The following LARP4B variants were observed in gnomAD, a reference collection of about 807,000 sequenced individuals.
LARP4B encodes the protein la-related protein 4B.
In LARP4B, 12 loss-of-function variants were observed where a neutral mutation model predicts 89.8. That is an observed-to-expected ratio of 0.13 (90% CI 0.09 to 0.22). The LOEUF (loss-of-function observed/expected upper bound fraction) is 0.22. Ranked by LOEUF, LARP4B falls within the 10% of genes least tolerant of loss-of-function variation. The pLI is 1.00. For synonymous variants in LARP4B, 367 were observed against 363.3 expected, an observed-to-expected ratio of 1.01 and a Z score of -0.12; for missense variants, 757 against 947.7, an observed-to-expected ratio of 0.80 and a Z score of 2.64.
chr10:838,575 C>A (rs1306542625), intron 7 of LARP4B, among the ~76,000 whole-genome samples: 1 of 152,138 alleles, frequency 6.6e-6, no homozygotes, highest in Non-Finnish European at 1.5e-5. Context: ...CACTGCATAC[C>A]TGTCAGCACA....
At position 930,326 on chromosome 10, in the gene LARP4B, C is replaced by A. The variant is rs556609688; in HGVS notation, c.-40+1102G>T. Among the ~76,000 whole-genome samples the A allele has an allele frequency of 9.2e-5, 14 of 152,332 alleles. No individual in the cohort carries two copies. The South Asian group carries it at 1.7e-3, about 18-fold the overall frequency. On this transcript the variant is annotated intron_variant, in intron 1 of 17. Transcript: ENST00000316157. ...GCCTCACGCATACTGTTTATACTTACAAACTCCACTGCCCTGTCAAGGAAA... is the reference window on the plus strand; with the variant it reads ...GCCTCACGCATACTGTTTATACTTAAAAACTCCACTGCCCTGTCAAGGAAA...
chr10:909,095 T>C (rs191782158), intron 1 of LARP4B, among the ~76,000 whole-genome samples: 2,273 of 151,752 alleles, frequency 0.015, 27 homozygotes, highest in African/African-American at 0.031. Context: ...GAGATCAAGA[T>C]CATCCTGGCT....
the LARP4B span, among the ~76,000 whole-genome samples, chr10:969,268 C>T: frequency 1.6e-4 from 24 of 152,116 alleles, no homozygotes; most frequent in African/African-American, 3.9e-4. Context: ...TTTACCTTCC[C>T]GGTTTGTTCT....
At chr10:973,783 T>C in the LARP4B span, among the ~76,000 whole-genome samples, 5 of 152,160 alleles carry the variant, frequency 3.3e-5, no homozygotes, top group Admixed American at 3.3e-4. Context: ...ATGCACTAGA[T>C]CTTAACAGCT....
the LARP4B span, among the ~76,000 whole-genome samples, chr10:975,702 C>T: frequency 1.1e-4 from 17 of 152,202 alleles, no homozygotes; most frequent in Middle Eastern, 3.4e-3. Flanking sequence ...GTAGGCCTGT[C>T]GCGTAATGTG....
the LARP4B span, among the ~76,000 whole-genome samples, chr10:964,310 C>T: frequency 2.2e-3 from 329 of 152,328 alleles, 1 homozygote; most frequent in African/African-American, 7.6e-3. Context: ...CGTGATCTGC[C>T]CGCCTCGGCC....
chr10:854,492 C>T (rs991028314), intron 5 of LARP4B, among the ~76,000 whole-genome samples: 10 of 152,194 alleles, frequency 6.6e-5, no homozygotes, highest in African/African-American at 2.4e-4. Context: ...ATGAAATCAA[C>T]ATTCATCTCC....
intron 1 of LARP4B, among the ~76,000 whole-genome samples, chr10:930,536 A>G (rs1007291184): frequency 6.6e-6 from 1 of 152,162 alleles, no homozygotes; most frequent in Non-Finnish European, 1.5e-5. Context: ...TAAGGGGAAA[A>G]GCAAAATTAC....
intron 5 of LARP4B, among the ~76,000 whole-genome samples, chr10:847,927 G>C (rs1015656467): frequency 6.6e-6 from 1 of 152,204 alleles, no homozygotes; most frequent in Non-Finnish European, 1.5e-5. Context: ...TGGGAACCCA[G>C]TGTATGGCTG....
the LARP4B span, among the ~76,000 whole-genome samples, chr10:953,713 A>T: frequency 1.3e-5 from 2 of 152,268 alleles, no homozygotes; most frequent in Non-Finnish European, 2.9e-5. Context: ...AATGGGCCCC[A>T]GTGTGTAATT....
intron 1 of LARP4B, among the ~76,000 whole-genome samples, chr10:896,764 C>T (rs1836201105): frequency 1.3e-5 from 2 of 152,122 alleles, no homozygotes; most frequent in South Asian, 4.1e-4. Flanking sequence ...TAAAGACGTC[C>T]TTAGACCAAA....
At chr10:867,882 A>C (rs527730972) in intron 3 of LARP4B, among the ~76,000 whole-genome samples, 67 of 151,090 alleles carry the variant, frequency 4.4e-4, no homozygotes, top group Admixed American at 2.1e-3. Context: ...AAAAAAAAAA[A>C]AAAACTCCAG....
intron 1 of LARP4B, among the ~76,000 whole-genome samples, chr10:908,452 G>A (rs909808392): frequency 6.6e-6 from 1 of 152,168 alleles, no homozygotes; most frequent in Non-Finnish European, 1.5e-5. Context: ...AGGGGGCCAT[G>A]GGGATCCTAG....
At chr10:826,490 A>C (rs1185672196) in intron 11 of LARP4B, among the ~76,000 whole-genome samples, 2 of 152,390 alleles carry the variant, frequency 1.3e-5, no homozygotes, top group South Asian at 4.1e-4. Context: ...AAAGATCTTA[A>C]GTAGTTAAAA....
intron 1 of LARP4B, among the ~76,000 whole-genome samples, chr10:927,243 T>C (rs1837168083): frequency 6.6e-6 from 1 of 151,742 alleles, no homozygotes; most frequent in African/African-American, 2.4e-5. Context: ...ACAGAGTTTA[T>C]AAAGGCATTG....
chr10:907,833 C>A (rs1190782376), intron 1 of LARP4B, among the ~76,000 whole-genome samples: 1 of 152,172 alleles, frequency 6.6e-6, no homozygotes, highest in Non-Finnish European at 1.5e-5. Flanking sequence ...CTCCCAATCT[C>A]CAGGTAGGGG....
At chr10:964,803 G>C in the LARP4B span, among the ~76,000 whole-genome samples, 1 of 152,302 alleles carries the variant, frequency 6.6e-6, no homozygotes, top group Non-Finnish European at 1.5e-5. Flanking sequence ...CGGGGAGAGA[G>C]GGACCTCACC....
chr10:971,085 C>T, the LARP4B span: 2 of 152,200 alleles, frequency 1.3e-5, no homozygotes, highest in East Asian at 1.9e-4. Context: ...CAAGCCCAGC[C>T]GCAGTTTTAG....
At chr10:914,672 G>A (rs1307050200) in intron 1 of LARP4B, among the ~76,000 whole-genome samples, 2 of 151,324 alleles carry the variant, frequency 1.3e-5, no homozygotes, top group Non-Finnish European at 2.9e-5. Flanking sequence ...GCGCATGCCT[G>A]TAATCCCAGC....
Sources: gnomAD v4.1 joint callset for allele counts (sites outside exome capture counted in the v4.1 genomes callset) on GRCh38, gnomAD v4.1.1 for gene constraint, MANE v1.5 for transcripts, NCBI Gene and HGNC (gene_info 2026-07-23, HGNC 2026-07-21) for gene names.